The following DTL variants were observed in gnomAD, a reference collection of about 807,000 sequenced individuals.
DTL encodes the protein denticleless E3 ubiquitin protein ligase adapter.
Under a neutral mutation model 87.0 loss-of-function variants are expected in DTL, and 46 were observed. That is an observed-to-expected ratio of 0.53 (90% confidence interval 0.42 to 0.68). The LOEUF is 0.68. Among genes scored for constraint, DTL ranks in the 30% least tolerant of loss-of-function variants. DTL has a pLI of 0.00. For missense variants in DTL, 737 were observed against 869.4 expected (o/e 0.85, Z 1.91); for synonymous variants, 308 against 311.2 (o/e 0.99, Z 0.11).
In DTL at chr1:212,100,347, A is replaced by G. The variant is rs1232250051; in HGVS notation, c.1357A>G (p.Ser453Gly). The G allele has an allele frequency of 1.2e-6, 2 of 1,613,886 alleles. No homozygotes were observed. The highest frequency in any genetic ancestry group is 1.7e-5 in the Admixed American group (1 of 59,982). The change falls in exon 14 of 15, where the codon AGC becomes GGC. Residue 453 changes from serine to glycine, a missense_variant. By Grantham distance (56) the Ser-to-Gly change is moderately conservative (BLOSUM62 0). Transcript: ENST00000366991. ...SSPSSAACAPSCAGDLPLPSN... is the reference protein window; with the variant it reads ...SSPSSAACAPGCAGDLPLPSN... ...CCCGTCATCCGCAGCTTGTGCCCCA[A>G]GCTGTGCTGGAGACCTCCCTCTTCC...
chr1:212,068,963 A>G (rs1449375911), intron 10 of DTL, among the ~76,000 whole-genome samples: 1 of 152,200 alleles, frequency 6.6e-6, no homozygotes, highest in Non-Finnish European at 1.5e-5. Flanking sequence ...GCCTATATTT[A>G]GAATTCTCTC....
chr1:212,072,987 G>C (rs1264661812), intron 11 of DTL, among the ~76,000 whole-genome samples: 1 of 151,998 alleles, frequency 6.6e-6, no homozygotes, highest in Admixed American at 6.6e-5. Flanking sequence ...GGATGGTCTC[G>C]ATCTCCTGAC....
At chr1:212,066,697 C>A in intron 7 of DTL, 115 bp from the exon 8 acceptor site, 2 of 749,388 alleles carry the variant, frequency 2.7e-6, no homozygotes, top group Non-Finnish European at 4.5e-6. Flanking sequence ...GATCATTAGA[C>A]AAGACTTCAT....
intron 13 of DTL, among the ~76,000 whole-genome samples, chr1:212,097,059 T>C (rs1307447371): frequency 2.7e-5 from 4 of 150,894 alleles, no homozygotes; most frequent in Non-Finnish European, 2.9e-5. Context: ...TGGCAAATTC[T>C]CTCAGCGTTT....
intron 11 of DTL, among the ~76,000 whole-genome samples, chr1:212,072,881 A>G (rs565426344): frequency 6.0e-5 from 9 of 150,734 alleles, no homozygotes; most frequent in African/African-American, 2.2e-4. Context: ...CTCCTGCCTC[A>G]GCCTCCCGAA....
At chr1:212,036,219 G>A (rs771910745) in intron 1 of DTL, among the ~76,000 whole-genome samples, 13 of 152,112 alleles carry the variant, frequency 8.5e-5, no homozygotes, top group Admixed American at 2.6e-4. Flanking sequence ...TCTCCATTGC[G>A]CGTTAACGGG....
intron 5 of DTL, among the ~76,000 whole-genome samples, chr1:212,052,157 C>T (rs1668004001): frequency 6.6e-6 from 1 of 152,078 alleles, no homozygotes; most frequent in South Asian, 2.1e-4. Flanking sequence ...AAAATCATTT[C>T]CCTGTATATA....
Position 212,035,810 on chromosome 1 carries a change from G to C in DTL, c.-81G>C. 1 of 1,390,850 alleles carries C rather than the reference G, an allele frequency of 7.2e-7. No homozygotes were observed. The highest frequency in any genetic ancestry group is 1.0e-6 in the Non-Finnish European group (1 of 985,880). 86.2% of individuals were successfully genotyped at this position (1,390,850 alleles called of 1,614,324 possible). ...GAGGCGATAACGATTTGTGTTGTGA[G>C]AGGCGCAAGCTGCGATTTCTGCTGA... On this transcript the variant is annotated 5_prime_UTR_variant, in exon 1 of 15. Transcript: ENST00000366991.
At chr1:212,096,386 G>A (rs1446230505) in intron 13 of DTL, among the ~76,000 whole-genome samples, 6 of 151,776 alleles carry the variant, frequency 4.0e-5, no homozygotes, top group Non-Finnish European at 8.8e-5. Flanking sequence ...TTCTACTCTG[G>A]TCTTTGTTAT....
chr1:212,054,299 T>G (rs191910774), intron 5 of DTL, among the ~76,000 whole-genome samples: 1 of 152,052 alleles, frequency 6.6e-6, no homozygotes, highest in Non-Finnish European at 1.5e-5. Flanking sequence ...CCCAGTCTCC[T>G]TTTCCTTGTT....
At position 212,100,539 on chromosome 1, in the gene DTL, C is replaced by G; in HGVS notation, c.1549C>G (p.Pro517Ala). 6.2e-7 allele frequency: 1 copy of G among 1,614,058 alleles called. No homozygotes were observed. The highest frequency in any genetic ancestry group is 8.5e-7 in the Non-Finnish European group (1 of 1,180,014). The change falls in exon 14 of 15, where the codon CCA becomes GCA. Residue 517 changes from proline to alanine, a missense_variant. By Grantham distance (27) the Pro-to-Ala change is conservative. Transcript: ENST00000366991. The part of the protein sequence containing the change: ...RTPSSSPPIT[P>A]PASETKIMSP... ...ACCTTCCTCATCACCACCCATCACT[C>G]CACCTGCTTCGGAGACCAAGATCAT...
chr1:212,036,069 A>G, intron 1 of DTL, 127 bp downstream of exon 1: 1 of 856,678 alleles, frequency 1.2e-6, no homozygotes, highest in Non-Finnish European at 1.9e-6. Flanking sequence ...GGCAAGGGTA[A>G]ATTAGTGTTA....
chr1:212,087,559 A>G (rs1236512675), intron 13 of DTL, among the ~76,000 whole-genome samples: 3 of 152,064 alleles, frequency 2.0e-5, no homozygotes, highest in South Asian at 2.1e-4. Flanking sequence ...CAAAAAAAAA[A>G]AAGAACCTAG....
chr1:212,044,651 C>A lies in DTL; in HGVS notation c.179-9C>A. 4 of 1,501,572 alleles carry A rather than the reference C, an allele frequency of 2.7e-6. No individual in the cohort carries two copies. Among genetic ancestry groups the A allele is most frequent in the Middle Eastern group, 1.8e-4 (1 of 5,608 alleles). 93.0% of individuals were successfully genotyped at this position (1,501,572 alleles called of 1,614,324 possible). A position where few individuals can be genotyped will look rare whatever the true frequency, so the allele number is the denominator to read the frequency against. On this transcript the variant is annotated splice_polypyrimidine_tract_variant and intron_variant, in intron 2 of 14. Coordinates refer to ENST00000366991, the MANE Select transcript of DTL (RefSeq NM_016448.4). ...ACTCTATATATTTTTTTCTTTATTT[C>A]TGCTTTAGCTCCCAATATGGAACAT...
chr1:212,043,082 G>A lies in DTL; in HGVS notation c.142G>A (p.Val48Ile). The A allele has an allele frequency of 1.2e-6, 2 of 1,613,108 alleles. No individual in the cohort carries two copies. The highest frequency in any genetic ancestry group is 2.2e-5 in the East Asian group (1 of 44,770). The change falls in exon 2 of 15, where the codon GTC becomes ATC. Residue 48 changes from valine (V) to isoleucine (I), a missense_variant. Val to Ile is a conservative substitution (Grantham distance 29). Coordinates refer to ENST00000366991, the MANE Select transcript of DTL (RefSeq NM_016448.4). ...ACACACTTCTTATGGAGAAACAGGAGTCCCAGTTCCTCCTTTTGGATGTAC... is the reference window on the plus strand; with the variant it reads ...ACACACTTCTTATGGAGAAACAGGAATCCCAGTTCCTCCTTTTGGATGTAC... The part of the protein sequence containing the change: ...DEHTSYGETG[V>I]PVPPFGCTFS...
intron 5 of DTL, among the ~76,000 whole-genome samples, chr1:212,048,043 A>G (rs1403831053): frequency 6.6e-6 from 1 of 152,228 alleles, no homozygotes; most frequent in Non-Finnish European, 1.5e-5. Flanking sequence ...AAAACCTTGT[A>G]CTGGGCACTC....
chr1:212,070,631 C>T (rs1654643148), intron 10 of DTL, among the ~76,000 whole-genome samples: 1 of 136,038 alleles, frequency 7.4e-6, no homozygotes, highest in South Asian at 2.4e-4. Context: ...AACTGAATGA[C>T]AACTGTGTGT....
In DTL at chr1:212,043,078, A is replaced by C. The variant is rs1667703206; in HGVS notation, c.138A>C (p.Thr46=). 1 of 1,613,048 alleles carries C rather than the reference A, an allele frequency of 6.2e-7. No homozygotes were observed. Among genetic ancestry groups the C allele is most frequent in the Non-Finnish European group, 8.5e-7 (1 of 1,179,458 alleles). Residue 46 remains threonine (T), a synonymous_variant, in exon 2 of 15, where the codon ACA becomes ACC. Transcript: ENST00000366991. The part of the protein sequence containing the change: ...GNDEHTSYGE[T]GVPVPPFGCT... ...ATGAACACACTTCTTATGGAGAAAC[A>C]GGAGTCCCAGTTCCTCCTTTTGGAT...
intron 5 of DTL, among the ~76,000 whole-genome samples, chr1:212,050,926 A>G (rs1339124757): frequency 6.6e-6 from 1 of 152,032 alleles, no homozygotes; most frequent in Non-Finnish European, 1.5e-5. Context: ...TGCTTGTATA[A>G]TATGTTACAC....
Sources: allele counts gnomAD v4.1 joint callset (sites outside exome capture counted in the v4.1 genomes callset), GRCh38; gene constraint gnomAD v4.1.1; transcripts MANE v1.5; gene names NCBI Gene and HGNC (gene_info 2026-07-23, HGNC 2026-07-21).